The following TRPC5 variants were observed in gnomAD, a reference collection of about 807,000 sequenced individuals.
TRPC5 encodes the protein transient receptor potential cation channel subfamily C member 5.
Under a neutral mutation model 56.5 loss-of-function variants are expected in TRPC5, and 9 were observed. That is an observed-to-expected ratio of 0.16 (90% CI 0.10 to 0.28). The LOEUF (loss-of-function observed/expected upper bound fraction) is 0.28, where lower values mean the gene tolerates loss of function less well. Ranked by LOEUF, TRPC5 falls within the 10% of genes least tolerant of loss-of-function variation. The pLI is 1.00. For synonymous variants in TRPC5, 282 were observed against 278.5 expected (o/e 1.01, Z -0.13); for missense variants, 469 against 748.9 (o/e 0.63, Z 4.36).
intron 3 of TRPC5, among the ~76,000 whole-genome samples, chrX:111,890,017 A>G (rs1364663717): frequency 9.0e-6 from 1 of 111,580 alleles, no homozygotes; most frequent in East Asian, 2.8e-4. Context: ...TGGTAAGCAA[A>G]CTATCATGGC....
At chrX:111,950,733 C>T (rs1202533482) in intron 2 of TRPC5, among the ~76,000 whole-genome samples, 2 of 111,942 alleles carry the variant, frequency 1.8e-5, no homozygotes, top group Admixed American at 9.5e-5. Context: ...TTGTTGGCAC[C>T]GTCCAGAGTC....
chrX:112,058,154 A>G (rs375495426), intron 1 of TRPC5, among the ~76,000 whole-genome samples: 3 of 111,753 alleles, frequency 2.7e-5, no homozygotes, highest in East Asian at 5.6e-4. Flanking sequence ...CCCAGTGAAG[A>G]AAGAATAATA....
chrX:112,018,004 T>C (rs1316650923), intron 1 of TRPC5, among the ~76,000 whole-genome samples: 1 of 112,693 alleles, frequency 8.9e-6, no homozygotes. Context: ...TAATTTTGTA[T>C]ACTGATTACA....
chrX:111,804,780 T>C (rs1921443102), intron 7 of TRPC5, among the ~76,000 whole-genome samples: 2 of 111,853 alleles, frequency 1.8e-5, no homozygotes, highest in Non-Finnish European at 3.8e-5. Flanking sequence ...AAATATACAA[T>C]CATGTCATCT....
intron 1 of TRPC5, among the ~76,000 whole-genome samples, chrX:111,967,602 A>G (rs1295870909): frequency 2.1e-3 from 241 of 112,172 alleles, no homozygotes; most frequent in Middle Eastern, 4.6e-3. Context: ...TCAAAACAGC[A>G]TGGTACTGGT....
chrX:112,014,956 A>G (rs1929083739), intron 1 of TRPC5, among the ~76,000 whole-genome samples: 1 of 111,394 alleles, frequency 9.0e-6, no homozygotes, highest in African/African-American at 3.3e-5. Context: ...AGCTCTCCAG[A>G]TGATTCTAGT....
At chrX:111,944,301 T>TGAAAGA (rs1166564102) in intron 2 of TRPC5, among the ~76,000 whole-genome samples, 52 of 84,582 alleles carry the variant, frequency 6.1e-4, no homozygotes, top group South Asian at 4.8e-3. Flanking sequence ...TGTGTGTGTG[T>TGAAAGA]GTGAGAGAGA....
Position 112,023,246 on chromosome X carries a change from G to GTTT in TRPC5, c.-22+58630_-22+58632dup, listed in dbSNP as rs1163231468. ...ACTGCGCCCAGCAGTTTTTTTTTTT[G>GTTT]TTTTTTTTTTTTTTTTTTTTTTTTT... On this transcript the variant is annotated intron_variant, in intron 1 of 10. Transcript: ENST00000262839. 2.9e-3 allele frequency among the ~76,000 whole-genome samples: 166 copies of GTTT among 56,705 alleles called. 7 individuals are homozygous for GTTT. The highest frequency in any genetic ancestry group is 4.2e-3 in the Non-Finnish European group (134 of 31,580). 49.2% of individuals were successfully genotyped at this position (56,705 alleles called of 115,157 possible).
chrX:111,786,026 C>A (rs1945960412), intron 7 of TRPC5, among the ~76,000 whole-genome samples: 1 of 111,589 alleles, frequency 9.0e-6, no homozygotes, highest in South Asian at 3.8e-4. Flanking sequence ...CCCAACTTAG[C>A]AAGGCAGGCC....
chrX:111,875,115 G>C lies in TRPC5; in HGVS notation c.901-21009C>G, dbSNP rs1923882901. On this transcript the variant is annotated intron_variant, in intron 3 of 10. Coordinates refer to ENST00000262839, the MANE Select transcript of TRPC5 (RefSeq NM_012471.3). ...TGAGAATAATAATACTGCTGATAGG[G>C]TAGCTATGAGGATTAAATGAGCTAC... Among the ~76,000 whole-genome samples, 3 of 111,848 alleles carry C rather than the reference G, an allele frequency of 2.7e-5. No individual in the cohort carries two copies. The Admixed American group carries it at 2.8e-4, about 11-fold the overall frequency.
At chrX:111,959,696 G>A (rs940446534) in intron 1 of TRPC5, among the ~76,000 whole-genome samples, 1 of 111,427 alleles carries the variant, frequency 9.0e-6, no homozygotes, top group Non-Finnish European at 1.9e-5. Flanking sequence ...ATCATTGAGA[G>A]CTAGTAATAT....
intron 3 of TRPC5, among the ~76,000 whole-genome samples, chrX:111,886,400 C>A (rs1233230815): frequency 8.9e-6 from 1 of 112,685 alleles, no homozygotes; most frequent in African/African-American, 3.2e-5. Context: ...ATGTTTGCAT[C>A]CATGTATTAT....
chrX:111,804,244 G>A lies in TRPC5; in HGVS notation c.1897-22106C>T, dbSNP rs188941612. Among the ~76,000 whole-genome samples, 304 of 112,020 alleles carry A rather than the reference G, an allele frequency of 2.7e-3. 1 individual carries two copies. The highest frequency in any genetic ancestry group is 9.6e-3 in the African/African-American group (296 of 30,797). ...TTGGTACCAGTGCTATGCTGTTTTGGTTTCAGTAGCCTTGTAGTATAGTTT... is the reference window on the plus strand; with the variant it reads ...TTGGTACCAGTGCTATGCTGTTTTGATTTCAGTAGCCTTGTAGTATAGTTT... On this transcript the variant is annotated intron_variant, in intron 7 of 10. Coordinates refer to ENST00000262839, the MANE Select transcript of TRPC5 (RefSeq NM_012471.3).
At chrX:111,885,031 G>A (rs1924409887) in intron 3 of TRPC5, among the ~76,000 whole-genome samples, 1 of 112,943 alleles carries the variant, frequency 8.9e-6, no homozygotes, top group African/African-American at 3.2e-5. Context: ...AGCTTAGTCA[G>A]AGTCTAGTTA....
intron 6 of TRPC5, 69 bp downstream of exon 6, chrX:111,847,044 CA>C (rs1922949473): frequency 1.8e-6 from 2 of 1,089,023 alleles, no homozygotes; most frequent in Admixed American, 6.1e-5. Flanking sequence ...GAAAACAGGA[CA>C]AAAATGGAGA....
rs188613985 is a variant in TRPC5 at position 111,902,994 on chromosome X, A to G, written c.900+9297T>C. 5 of 112,065 alleles carry G rather than the reference A, an allele frequency of 4.5e-5. No individual in the cohort carries two copies. The East Asian group carries it at 8.5e-4, about 19-fold the overall frequency. The allele number at this position is 112,065 out of a possible 1,213,427, so 9.2% of individuals were successfully genotyped here. ...ACCAATGGAAAGACAAACACTCACC[A>G]TATTGGACTAAATATCTATGGACTA... On this transcript the variant is annotated intron_variant, in intron 3 of 10. Coordinates refer to ENST00000262839, the MANE Select transcript of TRPC5 (RefSeq NM_012471.3).
intron 8 of TRPC5, 71 bp downstream of exon 8, chrX:111,781,864 C>G: frequency 9.8e-7 from 1 of 1,017,369 alleles, no homozygotes; most frequent in Non-Finnish European, 1.3e-6. Context: ...CCACTGCACT[C>G]CAGCCTGGGT....
intron 1 of TRPC5, among the ~76,000 whole-genome samples, chrX:112,042,410 C>T (rs960097785): frequency 2.6e-4 from 29 of 111,869 alleles, no homozygotes; most frequent in Non-Finnish European, 1.3e-4. Context: ...GGCAAGGATG[C>T]TTTTTCCTTT....
At chrX:111,975,835 C>T (rs963954092) in intron 1 of TRPC5, among the ~76,000 whole-genome samples, 5 of 111,912 alleles carry the variant, frequency 4.5e-5, no homozygotes, top group South Asian at 3.7e-4. Context: ...AGCGGAGAGG[C>T]GGAGCTTGCA....
Sources: gnomAD v4.1 joint callset for allele counts (sites outside exome capture counted in the v4.1 genomes callset) on GRCh38, gnomAD v4.1.1 for gene constraint, MANE v1.5 for transcripts, NCBI Gene and HGNC (gene_info 2026-07-23, HGNC 2026-07-21) for gene names.